Variants in FMNL2 observed in about 807,000 individuals in gnomAD.
FMNL2 encodes the protein formin like 2.
A neutral mutation model predicts 130.2 loss-of-function variants in FMNL2; 51 were observed. That is an observed-to-expected ratio of 0.39 (90% CI 0.31 to 0.49). FMNL2 has a LOEUF of 0.49. FMNL2 is among the 20% of genes least tolerant of loss of function. FMNL2 has a pLI of 0.85. For missense variants in FMNL2, 977 were observed against 1,316.2 expected (o/e 0.74, Z 3.99); for synonymous variants, 465 against 467.1 (o/e 1.00, Z 0.06).
At chr2:152,384,062 G>A (rs1442927203) in intron 1 of FMNL2, among the ~76,000 whole-genome samples, 2 of 151,962 alleles carry the variant, frequency 1.3e-5, no homozygotes, top group African/African-American at 4.8e-5. Flanking sequence ...AAAGAAATAG[G>A]GTATTGATTT....
At chr2:152,336,671 G>A (rs1681480108) in intron 1 of FMNL2, among the ~76,000 whole-genome samples, 1 of 152,170 alleles carries the variant, frequency 6.6e-6, no homozygotes. Context: ...GATCTGGACT[G>A]CTGTTGGTCC....
At chr2:152,496,730 A>G (rs1276292930) in intron 1 of FMNL2, among the ~76,000 whole-genome samples, 1 of 152,090 alleles carries the variant, frequency 6.6e-6, no homozygotes, top group East Asian at 1.9e-4. Context: ...ATTCATGGAT[A>G]TTTGGTTATG....
At chr2:152,469,261 A>G (rs188889283) in intron 1 of FMNL2, among the ~76,000 whole-genome samples, 1 of 152,122 alleles carries the variant, frequency 6.6e-6, no homozygotes, top group Admixed American at 6.5e-5. Context: ...CATACGTGTC[A>G]TTTCAGCTCT....
chr2:152,594,724 C>A (rs1580052675), intron 9 of FMNL2, among the ~76,000 whole-genome samples: 1 of 152,276 alleles, frequency 6.6e-6, no homozygotes, highest in Non-Finnish European at 1.5e-5. Context: ...CCTGTCCTAC[C>A]CCAAACTGTT....
At chr2:152,361,564 T>C (rs1683180207) in intron 1 of FMNL2, among the ~76,000 whole-genome samples, 1 of 152,216 alleles carries the variant, frequency 6.6e-6, no homozygotes, top group Non-Finnish European at 1.5e-5. Flanking sequence ...GGTGTCTACA[T>C]TTTACATGGT....
chr2:152,377,840 A>G (rs1366654306), intron 1 of FMNL2, among the ~76,000 whole-genome samples: 1 of 152,206 alleles, frequency 6.6e-6, no homozygotes, highest in African/African-American at 2.4e-5. Context: ...GAACTTAAAG[A>G]TAAAAGATGG....
chr2:152,437,651 A>G (rs904507756), intron 1 of FMNL2, among the ~76,000 whole-genome samples: 2 of 152,104 alleles, frequency 1.3e-5, no homozygotes, highest in African/African-American at 2.4e-5. Context: ...TTTACAGTCT[A>G]TCGGTTTGTG....
At chr2:152,643,476 G>A (rs1359272529) in intron 25 of FMNL2, 6 of 1,536,068 alleles carry the variant, frequency 3.9e-6, no homozygotes, top group Non-Finnish European at 5.2e-6. Flanking sequence ...CGGTTTTTCT[G>A]CGAACCTGTT....
At chr2:152,366,053 C>A (rs764787423) in intron 1 of FMNL2, among the ~76,000 whole-genome samples, 2 of 152,118 alleles carry the variant, frequency 1.3e-5, no homozygotes, top group South Asian at 4.1e-4. Flanking sequence ...AGGTTTAGAG[C>A]CCTTGATCTG....
At chr2:152,452,141 G>T (rs996913525) in intron 1 of FMNL2, among the ~76,000 whole-genome samples, 5 of 152,162 alleles carry the variant, frequency 3.3e-5, no homozygotes, top group African/African-American at 1.2e-4. Flanking sequence ...GCAACTCGAG[G>T]TGTTAGAATC....
intron 1 of FMNL2, among the ~76,000 whole-genome samples, chr2:152,512,176 C>T (rs1202709838): frequency 1.3e-5 from 2 of 152,090 alleles, no homozygotes; most frequent in Non-Finnish European, 2.9e-5. Flanking sequence ...CAGCTCCTGG[C>T]ACAGCAGTTA....
chr2:152,350,915 C>T (rs113023664), intron 1 of FMNL2, among the ~76,000 whole-genome samples: 8,872 of 152,018 alleles, frequency 0.058, 808 homozygotes, highest in African/African-American at 0.19. Context: ...TATGGTGGCG[C>T]GCACTTGTAG....
intron 1 of FMNL2, among the ~76,000 whole-genome samples, chr2:152,486,770 GT>G (rs752210367): frequency 1.5e-4 from 23 of 152,060 alleles, no homozygotes; most frequent in Non-Finnish European, 2.6e-4. Flanking sequence ...ATTTTTCTGT[GT>G]AATTTTGTTT....
At chr2:152,381,810 C>CTTTTTTTTTT (rs3047878) in intron 1 of FMNL2, among the ~76,000 whole-genome samples, 1 of 149,916 alleles carries the variant, frequency 6.7e-6, no homozygotes. Flanking sequence ...CAAAGCAGAA[C>CTTTTTTTTTT]TTTTTTTTTT....
chr2:152,406,175 T>C (rs1021924517), intron 1 of FMNL2, among the ~76,000 whole-genome samples: 5 of 152,210 alleles, frequency 3.3e-5, no homozygotes, highest in African/African-American at 1.2e-4. Flanking sequence ...GTAGAGAATG[T>C]CTGCAATGTG....
At chr2:152,566,723 CAT>C (rs527515999) in intron 6 of FMNL2, among the ~76,000 whole-genome samples, 149 of 152,248 alleles carry the variant, frequency 9.8e-4, no homozygotes, top group African/African-American at 3.4e-3. Flanking sequence ...TGTGTGTACA[CAT>C]GTTTGTGTAC....
chr2:152,397,809 C>T (rs1482742110), intron 1 of FMNL2, among the ~76,000 whole-genome samples: 2 of 152,100 alleles, frequency 1.3e-5, no homozygotes, highest in East Asian at 3.8e-4. Flanking sequence ...TGTGAGCCAG[C>T]GTTGTCACTG....
At chr2:152,428,763 G>A (rs1485518572) in intron 1 of FMNL2, among the ~76,000 whole-genome samples, 1 of 152,168 alleles carries the variant, frequency 6.6e-6, no homozygotes, top group African/African-American at 2.4e-5. Context: ...GTGGCTATTG[G>A]TCATAAGTCA....
chr2:152,391,570 A>G (rs916926373), intron 1 of FMNL2, among the ~76,000 whole-genome samples: 4 of 152,078 alleles, frequency 2.6e-5, no homozygotes, highest in Admixed American at 1.3e-4. Context: ...CAGGGGTGGC[A>G]AGTTGACTCT....
Sources: allele counts gnomAD v4.1 joint callset (sites outside exome capture counted in the v4.1 genomes callset), GRCh38; gene constraint gnomAD v4.1.1; transcripts MANE v1.5; gene names NCBI Gene and HGNC (gene_info 2026-07-23, HGNC 2026-07-21).